The following AP1M1 variants were observed in gnomAD, a reference collection of about 807,000 sequenced individuals.
AP1M1 encodes adaptor related protein complex 1 subunit mu 1.
Under a neutral mutation model 57.1 loss-of-function variants are expected in AP1M1, and 18 were observed. The ratio of observed to expected loss-of-function variants is 0.32; its 90% CI spans 0.22 to 0.47. The LOEUF is 0.47. AP1M1 is among the 20% of genes least tolerant of loss of function. The pLI, the probability that AP1M1 is intolerant of heterozygous loss-of-function variation, is 1.00. For missense variants in AP1M1, 362 were observed against 593.5 expected, an observed-to-expected ratio of 0.61 and a Z score of 4.05; for synonymous variants, 241 against 237.9, an observed-to-expected ratio of 1.01 and a Z score of -0.12.
rs1345948327 is a variant in AP1M1 at position 16,208,004 on chromosome 19, C to A, written c.268-15C>A. 6.2e-7 allele frequency: 1 copy of A among 1,606,248 alleles called. No homozygotes were observed. Among genetic ancestry groups the A allele is most frequent in the Admixed American group, 1.7e-5 (1 of 58,564 alleles). On this transcript the variant is annotated splice_polypyrimidine_tract_variant and intron_variant, in intron 3 of 11. Coordinates refer to ENST00000291439, the MANE Select transcript of AP1M1 (RefSeq NM_032493.4). The stretch of plus-strand genomic sequence containing the variant: ...ATCTGCCTCCCATTCCTCCCTCCCT[C>A]CCCAACCGCCACAGGTGTTTTCCGA...
chr19:16,197,925 G>A lies in AP1M1; in HGVS notation c.-102G>A, dbSNP rs2091430327. Reference sequence around the variant, plus strand: ...CTCCCCGAACCGGAAGTGGAGGTGAGCTGTCGCGGGCGGCGCCCGGCCTTG... The same window carrying A: ...CTCCCCGAACCGGAAGTGGAGGTGAACTGTCGCGGGCGGCGCCCGGCCTTG... On this transcript the variant is annotated 5_prime_UTR_variant, in exon 1 of 12. Transcript: ENST00000291439. The A allele has an allele frequency of 3.0e-6, 3 of 987,304 alleles. No individual in the cohort carries two copies. The highest frequency in any genetic ancestry group is 4.3e-6 in the Non-Finnish European group (3 of 701,864). 61.2% of individuals were successfully genotyped at this position (987,304 alleles called of 1,614,324 possible).
intron 5 of AP1M1, among the ~76,000 whole-genome samples, chr19:16,220,774 T>C (rs1165460437): frequency 6.6e-6 from 1 of 152,238 alleles, no homozygotes; most frequent in Non-Finnish European, 1.5e-5. Context: ...AGAATGTCTC[T>C]ATATTTTACC....
intron 9 of AP1M1, among the ~76,000 whole-genome samples, chr19:16,231,041 C>A (rs1164724601): frequency 1.3e-5 from 2 of 152,008 alleles, no homozygotes; most frequent in Non-Finnish European, 2.9e-5. Flanking sequence ...GTAATCCCAG[C>A]ACTTTCGGAG....
intron 5 of AP1M1, among the ~76,000 whole-genome samples, chr19:16,209,659 A>G (rs2091485372): frequency 6.6e-6 from 1 of 152,084 alleles, no homozygotes; most frequent in South Asian, 2.1e-4. Flanking sequence ...ATAATCAGAA[A>G]GATTAGGATT....
chr19:16,226,345 A>C (rs549093862), intron 5 of AP1M1, 76 bp from the exon 6 acceptor site: 1 of 1,481,098 alleles, frequency 6.8e-7, no homozygotes, highest in African/African-American at 1.4e-5. Context: ...GGGTGGCCAG[A>C]GGGTCACATG....
chr19:16,244,394 T>G lies in AP1M1; in HGVS notation c.*9959T>G, dbSNP rs1272554449. On this transcript the variant is annotated 3_prime_UTR_variant, in exon 12 of 12. Coordinates refer to ENST00000291439, the MANE Select transcript of AP1M1 (RefSeq NM_032493.4). ...AGTGATCTCAGACGGAAGGGCATGA[T>G]GCAAGAAGAAATAAAAGCAAAGAAG... is the stretch of plus-strand genomic sequence containing the variant. 2 of 152,188 alleles carry G rather than the reference T, an allele frequency of 1.3e-5. No individual in the cohort carries two copies. Among genetic ancestry groups the G allele is most frequent in the Non-Finnish European group, 2.9e-5 (2 of 68,040 alleles). The allele number at this position is 152,188 out of a possible 1,614,324, so 9.4% of individuals were successfully genotyped here.
chr19:16,204,955 C>CGA (rs10625664), intron 2 of AP1M1, among the ~76,000 whole-genome samples: 82,849 of 151,232 alleles, frequency 0.55, 25,725 homozygotes, highest in Non-Finnish European at 0.71. Context: ...CTCAGCCTCC[C>CGA]GAGTAGCTGG....
intron 5 of AP1M1, among the ~76,000 whole-genome samples, chr19:16,224,710 G>T (rs1459206902): frequency 1.3e-5 from 2 of 152,210 alleles, no homozygotes; most frequent in African/African-American, 2.4e-5. Flanking sequence ...TTCAGTTACA[G>T]CTGGCTGCCA....
At chr19:16,232,623 C>T (rs1162912845) in intron 9 of AP1M1, among the ~76,000 whole-genome samples, 2 of 152,246 alleles carry the variant, frequency 1.3e-5, no homozygotes, top group Non-Finnish European at 1.5e-5. Context: ...CTCACTCTCA[C>T]GCTGCCCTGG....
chr19:16,203,410 T>C lies in AP1M1; in HGVS notation c.43-49T>C. The C allele has an allele frequency of 6.2e-7, 1 of 1,606,544 alleles. No individual in the cohort carries two copies. The highest frequency in any genetic ancestry group is 8.5e-7 in the Non-Finnish European group (1 of 1,173,714). Reference sequence around the variant, plus strand: ...TCACCCCCTGCCCCAAGCCCCCAGATTGTAGAACTGAAAATGCAAGCATCT... The same window carrying C: ...TCACCCCCTGCCCCAAGCCCCCAGACTGTAGAACTGAAAATGCAAGCATCT... On this transcript the variant is annotated intron_variant, in intron 1 of 11. Transcript: ENST00000291439. The surrounding 1 kb of genome is among the most constrained non-coding windows in gnomAD (Gnocchi z 4.6).
chr19:16,204,662 C>G (rs940704679), intron 2 of AP1M1, among the ~76,000 whole-genome samples: 6 of 152,156 alleles, frequency 3.9e-5, no homozygotes, highest in Non-Finnish European at 8.8e-5. Flanking sequence ...CAGGCTCCAC[C>G]CAGCCCTGCC....
At chr19:16,223,791 C>T (rs147099157) in intron 5 of AP1M1, among the ~76,000 whole-genome samples, 1,868 of 152,320 alleles carry the variant, frequency 0.012, 11 homozygotes, top group African/African-American at 0.018. Flanking sequence ...TTCAGTCTTC[C>T]GGCAGCTGCC....
chr19:16,202,052 ACAG>A (rs1321645426), intron 1 of AP1M1, among the ~76,000 whole-genome samples: 22 of 152,108 alleles, frequency 1.4e-4, no homozygotes, highest in African/African-American at 4.8e-4. Flanking sequence ...GTCAAGAGTG[ACAG>A]CAGGGGGAGG....
intron 5 of AP1M1, among the ~76,000 whole-genome samples, chr19:16,225,374 G>T (rs144708431): frequency 6.7e-6 from 1 of 148,550 alleles, no homozygotes; most frequent in Non-Finnish European, 1.5e-5. Context: ...GCATGGCCTC[G>T]TGCAGCATAG....
rs1051172284 is a variant in AP1M1 at position 16,214,595 on chromosome 19, G to A, written c.546+5418G>A. On this transcript the variant is annotated intron_variant, in intron 5 of 11. Coordinates refer to ENST00000291439, the MANE Select transcript of AP1M1 (RefSeq NM_032493.4). ...TCGAACTCCACACCTCAGGTGATTC[G>A]CCTGCCTCAGCCTCCCAAAGTGCTG... is the stretch of plus-strand genomic sequence containing the variant. Among the ~76,000 whole-genome samples, 42 of 139,764 alleles carry A rather than the reference G, an allele frequency of 3.0e-4. 1 individual carries two copies. The South Asian group carries it at 3.9e-3, about 13-fold the overall frequency. The allele number at this position is 139,764 out of a possible 152,430, so 91.7% of individuals were successfully genotyped here.
At chr19:16,208,286 G>GT in intron 4 of AP1M1, 137 bp downstream of exon 4, 2 of 991,284 alleles carry the variant, frequency 2.0e-6, no homozygotes, top group Non-Finnish European at 1.4e-6. Context: ...CAGTATTCGG[G>GT]TTTTTACTAA....
chr19:16,219,099 A>G (rs1320551280), intron 5 of AP1M1, among the ~76,000 whole-genome samples: 2 of 139,436 alleles, frequency 1.4e-5, no homozygotes, highest in African/African-American at 5.5e-5. Flanking sequence ...TGGGTGTTGT[A>G]TTTTCTTCAG....
chr19:16,225,832 G>C (rs866856381), intron 5 of AP1M1, among the ~76,000 whole-genome samples: 1 of 152,134 alleles, frequency 6.6e-6, no homozygotes, highest in African/African-American at 2.4e-5. Context: ...TAAGCCCTGG[G>C]GGGTGAGGGG....
At chr19:16,222,202 A>ATTT (rs1406563931) in intron 5 of AP1M1, among the ~76,000 whole-genome samples, 2 of 57,624 alleles carry the variant, frequency 3.5e-5, no homozygotes, top group African/African-American at 9.1e-5. Context: ...TATTACTATT[A>ATTT]TTATTATTAT....
Sources: gnomAD v4.1 joint callset for allele counts (sites outside exome capture counted in the v4.1 genomes callset) on GRCh38, gnomAD v4.1.1 for gene constraint, Gnocchi (gnomAD v3.1) non-coding constraint, MANE v1.5 for transcripts, NCBI Gene and HGNC (gene_info 2026-07-23, HGNC 2026-07-21) for gene names.